The following CACNA2D3 variants were observed in gnomAD, a reference collection of about 807,000 sequenced individuals.
CACNA2D3 encodes voltage-dependent calcium channel subunit alpha-2/delta-3.
A neutral mutation model predicts 160.6 loss-of-function variants in CACNA2D3; 60 were observed. The ratio of observed to expected loss-of-function variants is 0.37; its 90% CI spans 0.30 to 0.46. The LOEUF (loss-of-function observed/expected upper bound fraction) is 0.46, where lower values mean the gene tolerates loss of function less well. Ranked by LOEUF, CACNA2D3 falls within the 20% of genes least tolerant of loss-of-function variation. The pLI is 1.00. For synonymous variants in CACNA2D3, 558 were observed against 492.9 expected (o/e 1.13, Z -1.75); for missense variants, 1,205 against 1,365.0 (o/e 0.88, Z 1.85).
intron 11 of CACNA2D3, among the ~76,000 whole-genome samples, chr3:54,689,532 G>A (rs969717917): frequency 6.6e-6 from 1 of 152,034 alleles, no homozygotes; most frequent in African/African-American, 2.4e-5. Context: ...CTTGTCCAAA[G>A]TTCAGCTCCT....
intron 13 of CACNA2D3, among the ~76,000 whole-genome samples, chr3:54,769,094 G>A (rs1213403651): frequency 3.3e-5 from 5 of 152,056 alleles, no homozygotes; most frequent in African/African-American, 7.2e-5. Context: ...GCCAGGACAC[G>A]AACAAACAAA....
At chr3:54,676,571 C>T (rs181199393) in intron 11 of CACNA2D3, among the ~76,000 whole-genome samples, 34 of 152,238 alleles carry the variant, frequency 2.2e-4, no homozygotes, top group African/African-American at 7.0e-4. Context: ...AGAGAGATGG[C>T]ATCTGGAAAA....
At chr3:54,886,925 C>T (rs772020807) in intron 23 of CACNA2D3, among the ~76,000 whole-genome samples, 21 of 115,490 alleles carry the variant, frequency 1.8e-4, no homozygotes, top group Non-Finnish European at 2.9e-4. Flanking sequence ...TTTCGCTTTT[C>T]AGCAAAGCTC....
At chr3:54,405,753 T>C (rs1225355875) in intron 4 of CACNA2D3, among the ~76,000 whole-genome samples, 1 of 151,676 alleles carries the variant, frequency 6.6e-6, no homozygotes, top group African/African-American at 2.4e-5. Flanking sequence ...TGCACAGCAA[T>C]GGAAACAATT....
chr3:54,198,067 T>G (rs1701112820), intron 2 of CACNA2D3, among the ~76,000 whole-genome samples: 1 of 152,260 alleles, frequency 6.6e-6, no homozygotes, highest in South Asian at 2.1e-4. Context: ...GAGGCCAGAC[T>G]GCTGCCTTGT....
chr3:54,202,521 GT>G (rs1247621131), intron 2 of CACNA2D3, among the ~76,000 whole-genome samples: 1 of 152,170 alleles, frequency 6.6e-6, no homozygotes, highest in African/African-American at 2.4e-5. Context: ...TTCCTTCACT[GT>G]TTTTTAAAAT....
chr3:54,910,017 G>A (rs1304396304), intron 27 of CACNA2D3, among the ~76,000 whole-genome samples: 32 of 152,062 alleles, frequency 2.1e-4, no homozygotes, highest in Admixed American at 2.1e-3. Context: ...CTGATCAAAG[G>A]CTTTTTATTC....
At chr3:54,981,141 A>G (rs1056712880) in intron 29 of CACNA2D3, among the ~76,000 whole-genome samples, 1 of 152,210 alleles carries the variant, frequency 6.6e-6, no homozygotes, top group African/African-American at 2.4e-5. Flanking sequence ...TTACAAGGTC[A>G]AGTTTCCAAG....
At position 54,175,095 on chromosome 3, in the gene CACNA2D3, C is replaced by A. The variant is rs565939953; in HGVS notation, c.204+51501C>A. Among the ~76,000 whole-genome samples, 7 of 152,322 alleles carry A rather than the reference C, an allele frequency of 4.6e-5. No homozygotes were observed. In the South Asian group the frequency reaches 1.4e-3, roughly 32 times the overall value. On this transcript the variant is annotated intron_variant, in intron 2 of 37. Coordinates refer to ENST00000474759, the MANE Select transcript of CACNA2D3 (RefSeq NM_018398.3). ...ACATTGAAACTCTTCTTTGAGAGTT[C>A]AGACAATTCAGTGACTTAAGTTTTT... is the stretch of plus-strand genomic sequence containing the variant.
intron 27 of CACNA2D3, among the ~76,000 whole-genome samples, chr3:54,935,868 A>G (rs1701316361): frequency 6.6e-6 from 1 of 152,176 alleles, no homozygotes; most frequent in South Asian, 2.1e-4. Context: ...AATGCTCTGG[A>G]AAACAGTTAG....
intron 2 of CACNA2D3, among the ~76,000 whole-genome samples, chr3:54,290,982 C>A (rs1024653747): frequency 6.6e-6 from 1 of 152,234 alleles, no homozygotes; most frequent in South Asian, 2.1e-4. Context: ...GGGTGCAGCA[C>A]ACCAACATGG....
At chr3:54,272,070 GTC>G (rs778455900) in intron 2 of CACNA2D3, among the ~76,000 whole-genome samples, 1 of 152,030 alleles carries the variant, frequency 6.6e-6, no homozygotes, top group Non-Finnish European at 1.5e-5. Flanking sequence ...TTTCTTGAGT[GTC>G]TCTTAAGTGC....
At chr3:54,668,803 G>A (rs761950138) in intron 11 of CACNA2D3, among the ~76,000 whole-genome samples, 9 of 151,664 alleles carry the variant, frequency 5.9e-5, no homozygotes, top group Admixed American at 6.6e-5. Flanking sequence ...CTGGAAGGCC[G>A]TACAGTGTCC....
chr3:54,607,592 T>C (rs568507439), intron 9 of CACNA2D3, among the ~76,000 whole-genome samples: 1 of 152,300 alleles, frequency 6.6e-6, no homozygotes, highest in South Asian at 2.1e-4. Flanking sequence ...CACAGAGCAA[T>C]TGGATCTCTC....
intron 4 of CACNA2D3, among the ~76,000 whole-genome samples, chr3:54,460,024 A>G (rs558896533): frequency 6.6e-6 from 1 of 152,250 alleles, no homozygotes; most frequent in East Asian, 1.9e-4. Flanking sequence ...CATTTATTAA[A>G]TAGGGAATCC....
chr3:54,501,283 C>G (rs527921457), intron 4 of CACNA2D3, among the ~76,000 whole-genome samples: 3 of 152,278 alleles, frequency 2.0e-5, no homozygotes, highest in South Asian at 4.1e-4. Flanking sequence ...TGCTATTATT[C>G]ATTTCACTTA....
At chr3:54,923,173 A>G (rs1407138108) in intron 27 of CACNA2D3, among the ~76,000 whole-genome samples, 2 of 152,134 alleles carry the variant, frequency 1.3e-5, no homozygotes, top group African/African-American at 2.4e-5. Context: ...AAACTCTTCA[A>G]GAGCTTTCCA....
intron 35 of CACNA2D3, among the ~76,000 whole-genome samples, chr3:55,040,613 A>G (rs1201677060): frequency 6.6e-6 from 1 of 152,124 alleles, no homozygotes; most frequent in Admixed American, 6.6e-5. Context: ...TGAGCCCAGG[A>G]GTCTGAGGCT....
intron 2 of CACNA2D3, among the ~76,000 whole-genome samples, chr3:54,288,237 G>T (rs1317228581): frequency 3.3e-5 from 5 of 151,902 alleles, no homozygotes; most frequent in Non-Finnish European, 7.4e-5. Context: ...ATGATAAGGG[G>T]GATATCACCA....
Sources: allele counts gnomAD v4.1 joint callset (sites outside exome capture counted in the v4.1 genomes callset), GRCh38; gene constraint gnomAD v4.1.1; transcripts MANE v1.5; gene names NCBI Gene and HGNC (gene_info 2026-07-23, HGNC 2026-07-21).